The following ZRANB3 variants were observed in gnomAD, a reference collection of about 807,000 sequenced individuals.
The protein encoded by ZRANB3 is DNA annealing helicase and endonuclease ZRANB3.
Under a neutral mutation model 133.8 loss-of-function variants are expected in ZRANB3, and 125 were observed. The ratio of observed to expected loss-of-function variants is 0.93; its 90% confidence interval spans 0.81 to 1.08. The LOEUF is 1.08. Ranked by LOEUF, ZRANB3 falls within the 50% of genes least tolerant of loss-of-function variation. ZRANB3 has a pLI of 0.00. For missense variants in ZRANB3, 1,229 were observed against 1,275.5 expected, an observed-to-expected ratio of 0.96 and a Z score of 0.56; for synonymous variants, 387 against 432.7, an observed-to-expected ratio of 0.89 and a Z score of 1.31.
At chr2:135,229,572 T>G (rs1378248276) in intron 13 of ZRANB3, among the ~76,000 whole-genome samples, 1 of 151,970 alleles carries the variant, frequency 6.6e-6, no homozygotes, top group Non-Finnish European at 1.5e-5. Flanking sequence ...TTTCACCGTG[T>G]TAGCCAGGAT....
chr2:135,499,104 C>G (rs1360873689), intron 2 of ZRANB3, among the ~76,000 whole-genome samples: 1 of 152,146 alleles, frequency 6.6e-6, no homozygotes, highest in Admixed American at 6.5e-5. Flanking sequence ...GGTTTTGCAG[C>G]TTGGGGGGCA....
intron 2 of ZRANB3, among the ~76,000 whole-genome samples, chr2:135,413,738 G>A (rs573879089): frequency 1.3e-5 from 2 of 152,186 alleles, no homozygotes; most frequent in South Asian, 4.1e-4. Context: ...TATTTCCACA[G>A]GTTTTGTATC....
chr2:135,479,706 A>T (rs1027772542), intron 2 of ZRANB3, among the ~76,000 whole-genome samples: 2 of 151,956 alleles, frequency 1.3e-5, no homozygotes, highest in African/African-American at 4.8e-5. Context: ...ACGCATACAT[A>T]ACACTTTCAG....
At chr2:135,454,092 T>C (rs1690391054) in intron 2 of ZRANB3, among the ~76,000 whole-genome samples, 1 of 152,198 alleles carries the variant, frequency 6.6e-6, no homozygotes, top group South Asian at 2.1e-4. Context: ...CAAACCCCGA[T>C]AAACCCATCA....
chr2:135,326,360 A>C (rs1683824101), intron 6 of ZRANB3, among the ~76,000 whole-genome samples: 2 of 152,154 alleles, frequency 1.3e-5, no homozygotes, highest in Non-Finnish European at 2.9e-5. Context: ...CCAACCATTT[A>C]CTGCATTTTT....
chr2:135,322,441 C>T (rs971554152), intron 6 of ZRANB3, among the ~76,000 whole-genome samples: 1 of 152,124 alleles, frequency 6.6e-6, no homozygotes, highest in African/African-American at 2.4e-5. Flanking sequence ...TGAGGCCAGG[C>T]ACGGTGGCTC....
chr2:135,506,354 C>T (rs956137284), intron 1 of ZRANB3, among the ~76,000 whole-genome samples: 5 of 152,074 alleles, frequency 3.3e-5, no homozygotes, highest in African/African-American at 7.2e-5. Context: ...CGCACCACTG[C>T]ACTCCAGCTT....
At chr2:135,208,722 G>A in intron 18 of ZRANB3, 146 bp downstream of exon 18, 1 of 622,996 alleles carries the variant, frequency 1.6e-6, no homozygotes, top group Admixed American at 3.0e-5. Context: ...AGGTTGCTAG[G>A]ACAACTGAAG....
At chr2:135,327,243 C>T (rs1273664369) in intron 6 of ZRANB3, among the ~76,000 whole-genome samples, 1 of 152,090 alleles carries the variant, frequency 6.6e-6, no homozygotes, top group Non-Finnish European at 1.5e-5. Flanking sequence ...CAAGGAAATT[C>T]AGGGTGACAG....
intron 6 of ZRANB3, among the ~76,000 whole-genome samples, chr2:135,340,609 G>A (rs554870029): frequency 4.6e-5 from 7 of 152,190 alleles, no homozygotes; most frequent in African/African-American, 1.7e-4. Context: ...AACTTGGGAG[G>A]CTAAGGCAGG....
At chr2:135,466,243 C>T (rs1304712084) in intron 2 of ZRANB3, among the ~76,000 whole-genome samples, 2 of 151,600 alleles carry the variant, frequency 1.3e-5, no homozygotes, top group African/African-American at 4.8e-5. Context: ...ATTAGCTGGG[C>T]GTGGTGGTGC....
chr2:135,402,737 C>A (rs1687797551), intron 2 of ZRANB3, among the ~76,000 whole-genome samples: 1 of 152,070 alleles, frequency 6.6e-6, no homozygotes, highest in Non-Finnish European at 1.5e-5. Flanking sequence ...AGGTGCGGGC[C>A]ACCACGTCCA....
chr2:135,477,562 CG>C (rs1156244711), intron 2 of ZRANB3, among the ~76,000 whole-genome samples: 1 of 152,204 alleles, frequency 6.6e-6, no homozygotes, highest in Non-Finnish European at 1.5e-5. Context: ...TATCTATTGC[CG>C]GTTTTTGGTA....
intron 4 of ZRANB3, among the ~76,000 whole-genome samples, chr2:135,351,717 C>G (rs1261240103): frequency 6.6e-6 from 1 of 152,170 alleles, no homozygotes; most frequent in Non-Finnish European, 1.5e-5. Flanking sequence ...GACTTGTAAA[C>G]AGTCCAGGCA....
intron 4 of ZRANB3, among the ~76,000 whole-genome samples, 157 bp from the exon 5 acceptor site, chr2:135,350,372 A>G (rs1325777325): frequency 6.6e-6 from 1 of 152,214 alleles, no homozygotes; most frequent in African/African-American, 2.4e-5. Flanking sequence ...AGATTTCACA[A>G]TCCTCAAATA....
chr2:135,461,705 AC>A (rs1327885571), intron 2 of ZRANB3, among the ~76,000 whole-genome samples: 1 of 152,222 alleles, frequency 6.6e-6, no homozygotes, highest in Non-Finnish European at 1.5e-5. Flanking sequence ...CCTGGACTAG[AC>A]AGCTCTACGT....
At chr2:135,461,135 G>A (rs952874609) in intron 2 of ZRANB3, among the ~76,000 whole-genome samples, 1 of 152,140 alleles carries the variant, frequency 6.6e-6, no homozygotes, top group Non-Finnish European at 1.5e-5. Context: ...CCTTCCGGGT[G>A]GGTGTGAAAA....
chr2:135,485,219 AAC>A (rs141926308), intron 2 of ZRANB3, among the ~76,000 whole-genome samples: 10,273 of 152,062 alleles, frequency 0.068, 711 homozygotes, highest in African/African-American at 0.18. Context: ...ATAACAGCCA[AAC>A]ACAGTTCCAA....
chr2:135,327,337 A>G (rs1199348866), intron 6 of ZRANB3, among the ~76,000 whole-genome samples: 1 of 152,124 alleles, frequency 6.6e-6, no homozygotes, highest in Non-Finnish European at 1.5e-5. Context: ...GAAAACGAAA[A>G]AAGATTATTT....
Sources: allele counts gnomAD v4.1 joint callset (sites outside exome capture counted in the v4.1 genomes callset), GRCh38; gene constraint gnomAD v4.1.1; transcripts MANE v1.5; gene names NCBI Gene and HGNC (gene_info 2026-07-23, HGNC 2026-07-21).